SPTSSB: variants seen among roughly 807,000 people sequenced by gnomAD.
SPTSSB encodes androgen down regulated in mouse prostate.
A neutral mutation model predicts 7.7 loss-of-function variants in SPTSSB; 6 were observed. That is an observed-to-expected ratio of 0.78 (90% CI 0.43 to 1.54). The LOEUF is 1.54. Ranked by LOEUF, SPTSSB falls within the 40% of genes most tolerant of loss-of-function variation. The pLI is 0.01. For missense variants in SPTSSB, 91 were observed against 93.0 expected (o/e 0.98, Z 0.09); for synonymous variants, 28 against 29.7 (o/e 0.94, Z 0.19).
intron 1 of SPTSSB, among the ~76,000 whole-genome samples, chr3:161,369,971 T>C (rs1349963719): frequency 1.3e-5 from 2 of 152,246 alleles, no homozygotes; most frequent in Non-Finnish European, 1.5e-5. Context: ...TGGTTATTTA[T>C]CTATAATTTT....
At chr3:161,361,986 A>G (rs963541496) in intron 1 of SPTSSB, among the ~76,000 whole-genome samples, 6 of 152,126 alleles carry the variant, frequency 3.9e-5, no homozygotes, top group African/African-American at 1.4e-4. Flanking sequence ...CCTGCCCATC[A>G]AAACCAGAAC....
intron 2 of SPTSSB, among the ~76,000 whole-genome samples, chr3:161,350,683 C>A (rs1714492192): frequency 6.6e-6 from 1 of 152,134 alleles, no homozygotes; most frequent in Non-Finnish European, 1.5e-5. Context: ...CAAGTACAAG[C>A]CCTCCTTTAA....
At chr3:161,347,839 G>A (rs773755181) in intron 2 of SPTSSB, 1 of 152,120 alleles carries the variant, frequency 6.6e-6, no homozygotes, top group Non-Finnish European at 1.5e-5. Context: ...TCGAGATCTT[G>A]CCATTGCACT....
At chr3:161,352,772 G>GT (rs1431402752) in intron 2 of SPTSSB, among the ~76,000 whole-genome samples, 1 of 152,124 alleles carries the variant, frequency 6.6e-6, no homozygotes, top group African/African-American at 2.4e-5. Flanking sequence ...AGTACAATCT[G>GT]TTTTTTTGAA....
intron 2 of SPTSSB, among the ~76,000 whole-genome samples, chr3:161,353,917 C>T (rs1278207116): frequency 6.6e-6 from 1 of 152,048 alleles, no homozygotes; most frequent in Admixed American, 6.6e-5. Flanking sequence ...CCTTTGGCAA[C>T]CAATTCCTCA....
rs79443161 is a variant in SPTSSB at position 161,345,687 on chromosome 3, C to G, written c.*406G>C. On this transcript the variant is annotated 3_prime_UTR_variant, in exon 3 of 3. Coordinates refer to ENST00000620149, the MANE Select transcript of SPTSSB (RefSeq NM_001040100.2). ...AAGGATAGGATACTTCTGACAGTAG[C>G]CTATAAAGATTTTTTAAAATTTATC... 2,468 of 155,996 alleles carry G rather than the reference C, an allele frequency of 0.016. 72 individuals carry two copies. The highest frequency in any genetic ancestry group is 0.056 in the African/African-American group (2,328 of 41,508). 9.7% of individuals were successfully genotyped at this position (155,996 alleles called of 1,614,324 possible). A position where few individuals can be genotyped will look rare whatever the true frequency, so the allele number is the denominator to read the frequency against.
chr3:161,361,953 G>A (rs1715032935), intron 1 of SPTSSB, among the ~76,000 whole-genome samples: 1 of 152,038 alleles, frequency 6.6e-6, no homozygotes, highest in Non-Finnish European at 1.5e-5. Flanking sequence ...CTTTGTTGTT[G>A]TTCTAAATTA....
chr3:161,366,058 T>C (rs1034399874), intron 1 of SPTSSB, among the ~76,000 whole-genome samples: 16 of 152,218 alleles, frequency 1.1e-4, no homozygotes. Flanking sequence ...CTTACCTTAC[T>C]TCTCCCCAAC....
intron 2 of SPTSSB, among the ~76,000 whole-genome samples, chr3:161,354,920 A>G: frequency 6.6e-6 from 1 of 152,360 alleles, no homozygotes; most frequent in East Asian, 1.9e-4. Context: ...AATTCAGATT[A>G]GATTAATCTC....
intron 2 of SPTSSB, among the ~76,000 whole-genome samples, chr3:161,354,601 C>T (rs1191829782): frequency 6.6e-6 from 1 of 152,242 alleles, no homozygotes; most frequent in Non-Finnish European, 1.5e-5. Flanking sequence ...CCACCTTGAC[C>T]TCCCATAGTG....
intron 1 of SPTSSB, among the ~76,000 whole-genome samples, chr3:161,370,594 A>G (rs1279312263): frequency 6.6e-6 from 1 of 152,396 alleles, no homozygotes; most frequent in East Asian, 1.9e-4. Context: ...AATTCAAAAT[A>G]AGTACTGCAC....
At chr3:161,368,520 G>T (rs908362371) in intron 1 of SPTSSB, among the ~76,000 whole-genome samples, 11 of 150,792 alleles carry the variant, frequency 7.3e-5, no homozygotes, top group African/African-American at 2.7e-4. Flanking sequence ...TCCGCCTCCC[G>T]GGTTCACGCC....
At position 161,344,989 on chromosome 3, in the gene SPTSSB, C is replaced by T. The variant is rs556234908; in HGVS notation, c.*1104G>A. 2 of 152,436 alleles carry T rather than the reference C, an allele frequency of 1.3e-5. No individual in the cohort carries two copies. The highest frequency in any genetic ancestry group is 4.8e-5 in the African/African-American group (2 of 41,372). The allele number at this position is 152,436 out of a possible 1,614,324, so 9.4% of individuals were successfully genotyped here. A position where few individuals can be genotyped will look rare whatever the true frequency, so the allele number is the denominator to read the frequency against. On this transcript the variant is annotated 3_prime_UTR_variant, in exon 3 of 3. Transcript: ENST00000620149. The stretch of plus-strand genomic sequence containing the variant: ...AACAAGGGTGCAAATATTGTCCAAA[C>T]CTATTTACATTTTTACCCTCTAGAA...
intron 2 of SPTSSB, among the ~76,000 whole-genome samples, chr3:161,355,875 C>T (rs1372206555): frequency 6.6e-6 from 1 of 151,952 alleles, no homozygotes; most frequent in Non-Finnish European, 1.5e-5. Flanking sequence ...CAATGAATAA[C>T]CCTAAAAATT....
intron 1 of SPTSSB, among the ~76,000 whole-genome samples, chr3:161,363,845 G>A (rs1057144685): frequency 1.5e-4 from 22 of 151,536 alleles, no homozygotes; most frequent in Admixed American, 3.3e-4. Context: ...TATTCCATTC[G>A]TACCACAAAC....
rs1315643676 is a variant in SPTSSB, at chr3:161,345,183, C to CAA, written c.*908_*909dup. 6.6e-6 allele frequency: 1 copy of CAA among 152,570 alleles called. No homozygotes were observed. Among genetic ancestry groups the CAA allele is most frequent in the African/African-American group, 2.4e-5 (1 of 41,432 alleles). 9.5% of individuals were successfully genotyped at this position (152,570 alleles called of 1,614,324 possible). The stretch of plus-strand genomic sequence containing the variant: ...TGGCTCTGCAAAGGAGCCACTATAT[C>CAA]AAAGCATTTAACTGGAGCTGTTGAG... On this transcript the variant is annotated 3_prime_UTR_variant, in exon 3 of 3. Transcript: ENST00000620149.
chr3:161,357,536 C>T (rs1269938509), intron 2 of SPTSSB, among the ~76,000 whole-genome samples: 3 of 152,148 alleles, frequency 2.0e-5, no homozygotes, highest in Non-Finnish European at 4.4e-5. Flanking sequence ...CATAAAAATA[C>T]TTATATTGGG....
intron 1 of SPTSSB, among the ~76,000 whole-genome samples, chr3:161,364,624 C>A (rs1235713800): frequency 5.3e-5 from 8 of 151,934 alleles, no homozygotes; most frequent in Non-Finnish European, 1.0e-4. Flanking sequence ...TAATACAACA[C>A]CCTTAGGTTT....
At chr3:161,347,600 G>A (rs902851843) in intron 2 of SPTSSB, among the ~76,000 whole-genome samples, 6 of 152,094 alleles carry the variant, frequency 3.9e-5, no homozygotes, top group African/African-American at 9.7e-5. Flanking sequence ...TGTCGGGCTC[G>A]GTGGCTCACG....
Sources: gnomAD v4.1 joint callset for allele counts (sites outside exome capture counted in the v4.1 genomes callset) on GRCh38, gnomAD v4.1.1 for gene constraint, MANE v1.5 for transcripts, NCBI Gene and HGNC (gene_info 2026-07-23, HGNC 2026-07-21) for gene names.